The following ZAP70 variants were observed in gnomAD, a reference collection of about 807,000 sequenced individuals.
The protein encoded by ZAP70 is tyrosine-protein kinase ZAP-70.
In ZAP70, 27 loss-of-function variants were observed where a neutral mutation model predicts 65.8. That is an observed-to-expected ratio of 0.41 (90% CI 0.30 to 0.57). The LOEUF (loss-of-function observed/expected upper bound fraction) is 0.57, where lower values mean the gene tolerates loss of function less well. ZAP70 is among the 20% of genes least tolerant of loss of function. The probability of loss-of-function intolerance (pLI) is 0.28; values close to 1 mark genes in which losing one functional copy is unlikely to be tolerated. For synonymous variants in ZAP70, 363 were observed against 360.8 expected, an observed-to-expected ratio of 1.01 and a Z score of -0.07; for missense variants, 696 against 870.5, an observed-to-expected ratio of 0.80 and a Z score of 2.52.
chr2:97,724,779 G>C, intron 3 of ZAP70: 1 of 1,505,218 alleles, frequency 6.6e-7, no homozygotes, highest in East Asian at 2.6e-5. Flanking sequence ...CCTTAGGGTA[G>C]GGTGGCTGTT....
Position 97,731,382 on chromosome 2 carries a change from G to A in ZAP70, c.564-1501G>A, listed in dbSNP as rs894084889. 2.6e-5 allele frequency among the ~76,000 whole-genome samples: 4 copies of A among 152,094 alleles called. No individual in the cohort carries two copies. Among genetic ancestry groups the A allele is most frequent in the South Asian group, 4.2e-4 (2 of 4,816 alleles). ...GACTGGTGTCACTGCGGGGTTTCAC[G>A]TGACGGCGCTGCATCTGCTGTCCCA... On this transcript the variant is annotated intron_variant, in intron 4 of 13. Transcript: ENST00000264972. The surrounding 1 kb of genome is among the most constrained non-coding windows in gnomAD (Gnocchi z 4.0).
rs1676854077 is a variant in ZAP70, at chr2:97,715,091, T to A, written c.-22+1097T>A. Reference sequence around the variant, plus strand: ...TAAAACCCTCATTATCCTCACTAGCTCTGGGTGGCCTCGGGCTCTGGACTC... The same window carrying A: ...TAAAACCCTCATTATCCTCACTAGCACTGGGTGGCCTCGGGCTCTGGACTC... On this transcript the variant is annotated intron_variant, in intron 2 of 13. Transcript: ENST00000264972. This position sits in a 1 kb window ranked among gnomAD's most constrained non-coding sequence, Gnocchi z 4.1. Among the ~76,000 whole-genome samples the A allele has an allele frequency of 6.6e-6, 1 of 152,118 alleles. No homozygotes were observed. Among genetic ancestry groups the A allele is most frequent in the Non-Finnish European group, 1.5e-5 (1 of 68,024 alleles).
At chr2:97,739,258 G>A (rs1045054342) in intron 13 of ZAP70, 117 bp from the exon 14 acceptor site, 21 of 1,508,812 alleles carry the variant, frequency 1.4e-5, no homozygotes, top group Admixed American at 3.8e-5. Context: ...CAACAGCCCT[G>A]CTGACTTTCT....
At chr2:97,730,838 G>A (rs755719733) in intron 4 of ZAP70, among the ~76,000 whole-genome samples, 6 of 152,080 alleles carry the variant, frequency 3.9e-5, no homozygotes, top group East Asian at 1.9e-4. Flanking sequence ...GGTGGATCAC[G>A]AGGTCAGAAG....
In ZAP70 at chr2:97,739,367, C is replaced by A. The variant is rs754187201; in HGVS notation, c.1737-8C>A. The A allele has an allele frequency of 4.3e-5, 69 of 1,613,204 alleles. No homozygotes were observed. Among genetic ancestry groups the A allele is most frequent in the Non-Finnish European group, 5.6e-5 (66 of 1,179,812 alleles). On this transcript the variant is annotated splice_region_variant and splice_polypyrimidine_tract_variant and intron_variant, in intron 13 of 13. Coordinates refer to ENST00000264972, the MANE Select transcript of ZAP70 (RefSeq NM_001079.4). ...GTCAGCAGCCTGGATGTACCCCACG[C>A]CCCACAGGTGGGAGGATCGCCCCGA...
intron 9 of ZAP70, chr2:97,735,018 C>A (rs376751532): frequency 1.5e-6 from 1 of 654,684 alleles, no homozygotes; most frequent in African/African-American, 1.8e-5. Context: ...GAGGGTGTCA[C>A]TTTGGATTCT....
rs1209941354 is a variant in ZAP70, at chr2:97,713,999, G to A, written c.-22+5G>A. 2 of 152,478 alleles carry A rather than the reference G, an allele frequency of 1.3e-5. No individual in the cohort carries two copies. The highest frequency in any genetic ancestry group is 6.5e-5 in the Admixed American group (1 of 15,288). The allele number at this position is 152,478 out of a possible 1,614,324, so 9.4% of individuals were successfully genotyped here. On this transcript the variant is annotated splice_donor_5th_base_variant and intron_variant, in intron 2 of 13. Transcript: ENST00000264972. ...CATCCACCTGTACGTCCCCAGGTAA[G>A]TGGTGCCTGGGTGGAGTGGCACCTG...
intron 13 of ZAP70, chr2:97,738,550 C>A: frequency 4.0e-6 from 1 of 247,658 alleles, no homozygotes; most frequent in Non-Finnish European, 8.1e-6. Context: ...TTCCAGCCCC[C>A]ACCTCTGCCT....
chr2:97,734,688 G>T lies in ZAP70; in HGVS notation c.1058G>T (p.Arg353Leu). Residue 353 changes from arginine to leucine, a missense_variant, in exon 9 of 14, where the codon CGC becomes CTC. By Grantham distance (102) the Arg-to-Leu change is moderately radical. Coordinates refer to ENST00000264972, the MANE Select transcript of ZAP70 (RefSeq NM_001079.4). ...GGCTGCGGCAACTTTGGCTCAGTGCGCCAGGGCGTGTACCGCATGCGCAAG... is the reference window on the plus strand; with the variant it reads ...GGCTGCGGCAACTTTGGCTCAGTGCTCCAGGGCGTGTACCGCATGCGCAAG... Reference protein sequence around the residue: ...ELGCGNFGSVRQGVYRMRKKQ... With the variant: ...ELGCGNFGSVLQGVYRMRKKQ... The T allele has an allele frequency of 1.9e-6, 3 of 1,614,034 alleles. No individual in the cohort carries two copies. The highest frequency in any genetic ancestry group is 2.5e-6 in the Non-Finnish European group (3 of 1,180,024).
chr2:97,740,509 C>T (rs1678101683), downstream of ZAP70, among the ~76,000 whole-genome samples: 1 of 152,194 alleles, frequency 6.6e-6, no homozygotes, highest in Non-Finnish European at 1.5e-5. Flanking sequence ...TTGTGGCTTT[C>T]ATTGCCTTTT....
intron 2 of ZAP70, among the ~76,000 whole-genome samples, chr2:97,717,977 GC>G (rs987522209): frequency 6.6e-6 from 1 of 152,202 alleles, no homozygotes; most frequent in Admixed American, 6.5e-5. Flanking sequence ...TGATCTCTGT[GC>G]TGTGATCCAG....
the ZAP70 span, among the ~76,000 whole-genome samples, chr2:97,749,454 G>A: frequency 6.6e-6 from 1 of 152,188 alleles, no homozygotes; most frequent in Non-Finnish European, 1.5e-5. Context: ...GTCTTTCTAG[G>A]CAGCAGCAAG....
At chr2:97,740,126 GC>G (rs1028521590), downstream of ZAP70, among the ~76,000 whole-genome samples, 1 of 152,122 alleles carries the variant, frequency 6.6e-6, no homozygotes, top group Admixed American at 6.5e-5. Context: ...AGATGAGTGT[GC>G]CCCATGCCAG....
the ZAP70 span, among the ~76,000 whole-genome samples, chr2:97,747,345 G>T: frequency 2.0e-5 from 3 of 152,204 alleles, no homozygotes; most frequent in Non-Finnish European, 4.4e-5. Flanking sequence ...GTAGATAAAT[G>T]TGTGGTATAT....
At chr2:97,749,500 T>C in the ZAP70 span, among the ~76,000 whole-genome samples, 2 of 152,156 alleles carry the variant, frequency 1.3e-5, no homozygotes, top group Non-Finnish European at 2.9e-5. Context: ...GGGCAATGAC[T>C]GTCAGGGGTC....
chr2:97,734,619 T>C lies in ZAP70; in HGVS notation c.989T>C (p.Leu330Pro). 1 of 1,614,168 alleles carries C rather than the reference T, an allele frequency of 6.2e-7. No homozygotes were observed. The highest frequency in any genetic ancestry group is 8.5e-7 in the Non-Finnish European group (1 of 1,180,008). Residue 330 changes from leucine to proline, a missense_variant, in exon 9 of 14, where the codon CTC becomes CCC. Leu to Pro is a moderately conservative substitution (Grantham distance 98, BLOSUM62 -3). Transcript: ENST00000264972. ...CCAGAGGAGCTCAAGGACAAGAAGC[T>C]CTTCCTGAAGCGCGATAACCTCCTC... is the stretch of plus-strand genomic sequence containing the variant. ...SDPEELKDKKLFLKRDNLLIA... is the reference protein window; with the variant it reads ...SDPEELKDKKPFLKRDNLLIA...
At position 97,734,704 on chromosome 2, in the gene ZAP70, C is replaced by T; in HGVS notation, c.1074C>T (p.Arg358=). The change falls in exon 9 of 14, where the codon CGC becomes CGT. Residue 358 remains arginine (R), a synonymous_variant. Transcript: ENST00000264972. ...NFGSVRQGVY[R]MRKKQIDVAI... ...GCTCAGTGCGCCAGGGCGTGTACCG[C>T]ATGCGCAAGTATGGCCGCCCCTGCC... 1.2e-6 allele frequency: 2 copies of T among 1,613,906 alleles called. No homozygotes were observed. The highest frequency in any genetic ancestry group is 1.1e-5 in the South Asian group (1 of 91,090).
At chr2:97,718,122 G>T (rs1001983875) in intron 2 of ZAP70, among the ~76,000 whole-genome samples, 12 of 152,210 alleles carry the variant, frequency 7.9e-5, no homozygotes, top group Non-Finnish European at 1.6e-4. Flanking sequence ...ACTGAGGGAC[G>T]CGGCTCCTAA....
chr2:97,723,698 A>T (rs913764461), intron 2 of ZAP70, among the ~76,000 whole-genome samples: 3 of 152,360 alleles, frequency 2.0e-5, no homozygotes, highest in Admixed American at 2.0e-4. Context: ...ACCGGGCCTG[A>T]AACACAATAA....
Sources: allele counts gnomAD v4.1 joint callset (sites outside exome capture counted in the v4.1 genomes callset), GRCh38; gene constraint gnomAD v4.1.1; non-coding constraint Gnocchi (gnomAD v3.1); transcripts MANE v1.5; gene names NCBI Gene and HGNC (gene_info 2026-07-23, HGNC 2026-07-21).